ZHX3: variants seen among roughly 807,000 people sequenced by gnomAD.
The protein encoded by ZHX3 is zinc fingers and homeoboxes 3, also known as zinc fingers and homeoboxes protein 3.
ZHX3 carries 20 observed loss-of-function variants against 64.5 expected under a neutral mutation model. The ratio of observed to expected loss-of-function variants is 0.31; its 90% CI spans 0.22 to 0.45. The LOEUF (loss-of-function observed/expected upper bound fraction) is 0.45, where lower values mean the gene tolerates loss of function less well. Ranked by LOEUF, ZHX3 falls within the 20% of genes least tolerant of loss-of-function variation. The pLI, the probability that ZHX3 is intolerant of heterozygous loss-of-function variation, is 1.00. For synonymous variants in ZHX3, 423 were observed against 461.6 expected, an observed-to-expected ratio of 0.92 and a Z score of 1.07; for missense variants, 1,041 against 1,195.8, an observed-to-expected ratio of 0.87 and a Z score of 1.91.
rs533386634 is a variant in ZHX3, at chr20:41,192,731, G to A, written c.2861-7530C>T. ...ACTCCAGGACAGTGTACAGTCTTTTGGGGGGTGGGCTTTAAATGGCATCTT... is the reference window on the plus strand; with the variant it reads ...ACTCCAGGACAGTGTACAGTCTTTTAGGGGGTGGGCTTTAAATGGCATCTT... On this transcript the variant is annotated intron_variant, in intron 3 of 3. Coordinates refer to ENST00000683867, the MANE Select transcript of ZHX3 (RefSeq NM_001384317.1). 4.6e-5 allele frequency among the ~76,000 whole-genome samples: 7 copies of A among 152,322 alleles called. No individual in the cohort carries two copies. The East Asian group carries it at 1.3e-3, about 29-fold the overall frequency.
At chr20:41,191,607 A>G (rs932370065) in intron 3 of ZHX3, among the ~76,000 whole-genome samples, 1 of 152,214 alleles carries the variant, frequency 6.6e-6, no homozygotes, top group African/African-American at 2.4e-5. Context: ...ATATCTGCAC[A>G]TCTGGTGTAA....
rs2040141382 is a variant in ZHX3, at chr20:41,224,523, G to GA, written c.-150-19458dup. ...AGCCCAACCAGAAGAGAATTAAATG[G>GA]AAGCTGTGTTTTCATCATCCTATTA... On this transcript the variant is annotated intron_variant, in intron 2 of 3. Transcript: ENST00000683867. The surrounding 1 kb of genome is among the most constrained non-coding windows in gnomAD (Gnocchi z 5.2). 6.6e-6 allele frequency among the ~76,000 whole-genome samples: 1 copy of GA among 152,170 alleles called. No homozygotes were observed. The highest frequency in any genetic ancestry group is 2.4e-5 in the African/African-American group (1 of 41,430).
At chr20:41,196,426 T>A (rs1174731138) in intron 3 of ZHX3, among the ~76,000 whole-genome samples, 14 of 49,846 alleles carry the variant, frequency 2.8e-4, no homozygotes, top group African/African-American at 1.1e-3. Context: ...TAATATATAT[T>A]TATATAAATA....
At chr20:41,289,591 G>C (rs1406978009) in intron 1 of ZHX3, among the ~76,000 whole-genome samples, 1 of 151,916 alleles carries the variant, frequency 6.6e-6, no homozygotes, top group African/African-American at 2.4e-5. Context: ...ACATGCCAAG[G>C]ATGCAATCTT....
At chr20:41,230,244 T>C (rs915151864) in intron 2 of ZHX3, among the ~76,000 whole-genome samples, 1 of 152,206 alleles carries the variant, frequency 6.6e-6, no homozygotes. Flanking sequence ...TATCACGTAT[T>C]GGCTCTCATT....
rs1002619627 is a variant in ZHX3 at position 41,232,499 on chromosome 20, C to G, written c.-150-27433G>C. Among the ~76,000 whole-genome samples the G allele has an allele frequency of 1.3e-5, 2 of 152,136 alleles. No homozygotes were observed. Among genetic ancestry groups the G allele is most frequent in the African/African-American group, 4.8e-5 (2 of 41,420 alleles). ...AACTGGCTAGTCCTCAAATGAATCA[C>G]GTAGCATACAACCACAGGAGTGGAA... On this transcript the variant is annotated intron_variant, in intron 2 of 3. Coordinates refer to ENST00000683867, the MANE Select transcript of ZHX3 (RefSeq NM_001384317.1). The surrounding 1 kb of genome is among the most constrained non-coding windows in gnomAD (Gnocchi z 5.0).
At position 41,203,454 on chromosome 20, in the gene ZHX3, G is replaced by T. The variant is rs774407227; in HGVS notation, c.1463C>A (p.Ser488Tyr). 3 of 1,614,078 alleles carry T rather than the reference G, an allele frequency of 1.9e-6. No homozygotes were observed. The African/African-American group carries it at 4.0e-5, about 22-fold the overall frequency. Residue 488 changes from serine to tyrosine, a missense_variant, in exon 3 of 4, where the codon TCC (serine) becomes TAC (tyrosine). Physicochemically the swap from Ser to Tyr is moderately radical, Grantham distance 144. Around this residue, in one of 4 missense-constraint regions of ZHX3, gnomAD observed 649 missense variants for 739.8 expected, o/e 0.88. Transcript: ENST00000683867. The surrounding 1 kb of genome is among the most constrained non-coding windows in gnomAD (Gnocchi z 7.1). ...GATGCTAGCATCAAGGAAGGCTTGG[G>T]AGGTTATGCTGGGGCAGGCCGTGAG... ...SLLTACPSIT[S>Y]QAFLDASIYK...
chr20:41,199,700 C>CT lies in ZHX3; in HGVS notation c.2860+2356dup, dbSNP rs1491348891. On this transcript the variant is annotated intron_variant, in intron 3 of 3. Transcript: ENST00000683867. ...AATGCAGTAATCAGAAATCAAAAAA[C>CT]TCTTTTTTTTTTTTTTTTGCAATGG... is the stretch of plus-strand genomic sequence containing the variant. 4.6e-4 allele frequency among the ~76,000 whole-genome samples: 69 copies of CT among 150,628 alleles called. 1 individual carries two copies. The East Asian group carries it at 4.8e-3, about 11-fold the overall frequency.
intron 2 of ZHX3, among the ~76,000 whole-genome samples, chr20:41,267,106 C>G (rs1007601657): frequency 6.6e-6 from 1 of 152,170 alleles, no homozygotes; most frequent in African/African-American, 2.4e-5. Context: ...CTTGGCCTCC[C>G]AGAGTGCTGG....
intron 2 of ZHX3, among the ~76,000 whole-genome samples, chr20:41,268,766 G>A (rs532203724): frequency 8.5e-5 from 13 of 152,226 alleles, no homozygotes; most frequent in African/African-American, 2.6e-4. Flanking sequence ...AGAAATCATC[G>A]AAGTTGTAGA....
intron 1 of ZHX3, chr20:41,316,880 G>C (rs1199378908): frequency 1.3e-5 from 2 of 152,306 alleles, no homozygotes. Context: ...CAGGGAATCC[G>C]AGGACCTGGG....
intron 2 of ZHX3, among the ~76,000 whole-genome samples, chr20:41,218,923 GTTTTTT>G (rs888061526): frequency 1.1e-5 from 1 of 92,576 alleles, no homozygotes; most frequent in African/African-American, 4.4e-5. Flanking sequence ...AAACAGTGCT[GTTTTTT>G]TTTTTTTTTT....
Position 41,204,842 on chromosome 20 carries a change from C to T in ZHX3, c.75G>A (p.Met25Ile). The change falls in exon 3 of 4, where the codon ATG (methionine) becomes ATA (isoleucine). Residue 25 changes from methionine to isoleucine, a missense_variant. Transcript: ENST00000683867. The surrounding 1 kb of genome is among the most constrained non-coding windows in gnomAD (Gnocchi z 6.6). ...GCAAGGTCTCAGCGGGCTGGGCCTCCATGCTGGCATCTTGCAACACCACAG... is the reference window on the plus strand; with the variant it reads ...GCAAGGTCTCAGCGGGCTGGGCCTCTATGCTGGCATCTTGCAACACCACAG... Reference protein sequence around the residue: ...VKTVVLQDASMEAQPAETLPE... With the variant: ...VKTVVLQDASIEAQPAETLPE... 6.3e-7 allele frequency: 1 copy of T among 1,596,284 alleles called. No individual in the cohort carries two copies. Among genetic ancestry groups the T allele is most frequent in the South Asian group, 1.1e-5 (1 of 88,244 alleles).
At chr20:41,210,427 G>A (rs932144317) in intron 2 of ZHX3, among the ~76,000 whole-genome samples, 2 of 152,196 alleles carry the variant, frequency 1.3e-5, no homozygotes, top group Admixed American at 6.5e-5. Context: ...ATTCACAATA[G>A]CAAAGACTTG....
chr20:41,231,580 T>C (rs142021330), intron 2 of ZHX3, among the ~76,000 whole-genome samples: 1 of 152,358 alleles, frequency 6.6e-6, no homozygotes, highest in Non-Finnish European at 1.5e-5. Flanking sequence ...TGTATGTGGC[T>C]GACTTTCTCT....
chr20:41,258,286 C>T lies in ZHX3; in HGVS notation c.-151+10704G>A, dbSNP rs188970286. On this transcript the variant is annotated intron_variant, in intron 2 of 3. Coordinates refer to ENST00000683867, the MANE Select transcript of ZHX3 (RefSeq NM_001384317.1). ...CGTACAGAGTTTCCATATATCCTGG[C>T]CCCAGCTTCCCCAGTGTTAGCATCT... Among the ~76,000 whole-genome samples, 99 of 152,256 alleles carry T rather than the reference C, an allele frequency of 6.5e-4. 1 individual carries two copies. Among genetic ancestry groups the T allele is most frequent in the Admixed American group, 2.7e-3 (41 of 15,292 alleles).
At chr20:41,295,035 T>G (rs531550093) in intron 1 of ZHX3, among the ~76,000 whole-genome samples, 1 of 152,328 alleles carries the variant, frequency 6.6e-6, no homozygotes, top group East Asian at 1.9e-4. Flanking sequence ...TCTGTATTAA[T>G]GACTTATTTC....
intron 1 of ZHX3, among the ~76,000 whole-genome samples, chr20:41,295,919 G>A (rs1033959216): frequency 6.6e-5 from 10 of 151,660 alleles, no homozygotes; most frequent in African/African-American, 1.9e-4. Context: ...TTGTACATTC[G>A]CAAGAAATGA....
rs112192541 is a variant in ZHX3 at position 41,277,394 on chromosome 20, A to G, written c.-244-8311T>C. Among the ~76,000 whole-genome samples, 701 of 152,292 alleles carry G rather than the reference A, an allele frequency of 4.6e-3. 9 individuals carry two copies. The highest frequency in any genetic ancestry group is 0.015 in the African/African-American group (637 of 41,548). On this transcript the variant is annotated intron_variant, in intron 1 of 3. Coordinates refer to ENST00000683867, the MANE Select transcript of ZHX3 (RefSeq NM_001384317.1). ...AATGGCACGAAGTCAGTTTTCCATC[A>G]TGTTGCATCTACGTGGCTAATATTT...
Sources: gnomAD v4.1 joint callset for allele counts (sites outside exome capture counted in the v4.1 genomes callset) on GRCh38, gnomAD v4.1.1 for gene constraint, gnomAD v4.1.1 regional missense constraint, Gnocchi (gnomAD v3.1) non-coding constraint, MANE v1.5 for transcripts, NCBI Gene and HGNC (gene_info 2026-07-23, HGNC 2026-07-21) for gene names.